The following PRICKLE2 variants were observed in gnomAD, a reference collection of about 807,000 sequenced individuals.
PRICKLE2 encodes prickle planar cell polarity protein 2, also known as prickle-like protein 2.
Under a neutral mutation model 81.4 loss-of-function variants are expected in PRICKLE2, and 21 were observed. The ratio of observed to expected loss-of-function variants is 0.26; its 90% CI spans 0.18 to 0.37. PRICKLE2 has a LOEUF of 0.37. Among genes scored for constraint, PRICKLE2 ranks in the 10% least tolerant of loss-of-function variants. The probability of loss-of-function intolerance (pLI) is 1.00; values close to 1 mark genes in which losing one functional copy is unlikely to be tolerated. For synonymous variants in PRICKLE2, 456 were observed against 421.5 expected, an observed-to-expected ratio of 1.08 and a Z score of -1.00; for missense variants, 940 against 1,109.0, an observed-to-expected ratio of 0.85 and a Z score of 2.16.
At chr3:64,221,517 G>A (rs957990511) in intron 1 of PRICKLE2, among the ~76,000 whole-genome samples, 10 of 151,920 alleles carry the variant, frequency 6.6e-5, no homozygotes, top group African/African-American at 2.2e-4. Flanking sequence ...GGTTAAGACA[G>A]AGCAAAGGGG....
chr3:64,157,759 G>A (rs2077660783), intron 4 of PRICKLE2, among the ~76,000 whole-genome samples: 3 of 152,224 alleles, frequency 2.0e-5, no homozygotes, highest in South Asian at 4.1e-4. Flanking sequence ...AGGAGTGGCT[G>A]GGGAGGGAGG....
chr3:64,240,345 T>A (rs1452627595), intron 2 of PRICKLE2, among the ~76,000 whole-genome samples: 1 of 152,166 alleles, frequency 6.6e-6, no homozygotes, highest in Non-Finnish European at 1.5e-5. Context: ...TTAAACAAGC[T>A]ACAGCTCCTC....
chr3:64,244,093 T>C (rs746622201), intron 2 of PRICKLE2, among the ~76,000 whole-genome samples: 8 of 152,186 alleles, frequency 5.3e-5, no homozygotes, highest in Admixed American at 2.0e-4. Context: ...ACAGGATGAA[T>C]AGAAATGTTA....
At chr3:64,265,315 T>A (rs1319917129) in intron 2 of PRICKLE2, among the ~76,000 whole-genome samples, 1 of 152,216 alleles carries the variant, frequency 6.6e-6, no homozygotes, top group Non-Finnish European at 1.5e-5. Flanking sequence ...ACAATTTCCA[T>A]AAAGTCTCAT....
In PRICKLE2 at chr3:64,092,634, A is replaced by G. The variant is rs1327533520; in HGVS notation, c.*6417T>C. ...ATGCTGCCCTAACCAGAACACAGAC[A>G]TGGATGTAATTCTCCAGACAGACCA... On this transcript the variant is annotated 3_prime_UTR_variant, in exon 8 of 8. Coordinates refer to ENST00000638394, the MANE Select transcript of PRICKLE2 (RefSeq NM_198859.4). The G allele has an allele frequency of 2.0e-5, 3 of 152,254 alleles. No individual in the cohort carries two copies. The highest frequency in any genetic ancestry group is 6.5e-5 in the Admixed American group (1 of 15,286). 9.4% of individuals were successfully genotyped at this position (152,254 alleles called of 1,614,324 possible).
rs1370672755 is a variant in PRICKLE2 at position 64,153,224 on chromosome 3, A to G, written c.745T>C (p.Ser249Pro). 2 of 1,614,014 alleles carry G rather than the reference A, an allele frequency of 1.2e-6. No individual in the cohort carries two copies. Among genetic ancestry groups the G allele is most frequent in the Non-Finnish European group, 1.7e-6 (2 of 1,180,028 alleles). The part of the protein sequence containing the change: ...GRPYCCHCFE[S>P]LYAEYCDTCA... ...GTGTCACAATATTCTGCATACAAGGACTCGAAGCAGTGGCAACAGTAGGGT... is the reference window on the plus strand; with the variant it reads ...GTGTCACAATATTCTGCATACAAGGGCTCGAAGCAGTGGCAACAGTAGGGT... The change falls in exon 6 of 8, where the codon TCC (serine) becomes CCC (proline). Residue 249 changes from serine (S) to proline (P), a missense_variant. Ser to Pro is a moderately conservative substitution (Grantham distance 74). Around this residue, in one of 2 missense-constraint regions of PRICKLE2, gnomAD observed 270 missense variants for 391.8 expected, o/e 0.69. Transcript: ENST00000638394.
intron 2 of PRICKLE2, among the ~76,000 whole-genome samples, chr3:64,252,782 C>T (rs2079467293): frequency 1.3e-5 from 2 of 152,212 alleles, no homozygotes; most frequent in African/African-American, 4.8e-5. Context: ...CAGGGGTCAA[C>T]AAACTTTTTC....
intron 2 of PRICKLE2, among the ~76,000 whole-genome samples, chr3:64,230,499 A>C (rs138330946): frequency 2.0e-5 from 3 of 152,352 alleles, no homozygotes; most frequent in Non-Finnish European, 2.9e-5. Flanking sequence ...TATTTGAAAC[A>C]TGTGAAGCTT....
chr3:64,211,598 G>A (rs2078787198), intron 1 of PRICKLE2, among the ~76,000 whole-genome samples: 1 of 152,152 alleles, frequency 6.6e-6, no homozygotes, highest in Admixed American at 6.5e-5. Flanking sequence ...GCACAAATGT[G>A]GCAAAATATT....
chr3:64,117,858 A>G (rs760345364), intron 7 of PRICKLE2, among the ~76,000 whole-genome samples: 1 of 152,188 alleles, frequency 6.6e-6, no homozygotes, highest in Non-Finnish European at 1.5e-5. Context: ...CTACTTGAAA[A>G]TTCATATGGA....
chr3:64,153,423 T>C, intron 5 of PRICKLE2, 55 bp from the exon 6 acceptor site: 1 of 1,572,116 alleles, frequency 6.4e-7, no homozygotes. Context: ...GAACATATTT[T>C]AAAGGAAGAA....
upstream of PRICKLE2, among the ~76,000 whole-genome samples, chr3:64,227,571 C>T (rs1426306071): frequency 6.6e-6 from 1 of 152,220 alleles, no homozygotes; most frequent in Non-Finnish European, 1.5e-5. Flanking sequence ...CTACCAACTT[C>T]ATAAGAATTA....
rs565669116 is a variant in PRICKLE2, at chr3:64,137,457, C to T, written c.1660+9373G>A. 6.6e-5 allele frequency among the ~76,000 whole-genome samples: 10 copies of T among 152,260 alleles called. No homozygotes were observed. In the East Asian group the frequency reaches 1.7e-3, roughly 26 times the overall value. On this transcript the variant is annotated intron_variant, in intron 7 of 7. Transcript: ENST00000638394. ...GAGAATAAAATCAGCAATCTTTTCT[C>T]CCTGTCAGCAGCCATGGTTACTGAC...
intron 5 of PRICKLE2, among the ~76,000 whole-genome samples, chr3:64,155,619 A>G (rs2077622626): frequency 6.6e-6 from 1 of 152,246 alleles, no homozygotes; most frequent in Non-Finnish European, 1.5e-5. Flanking sequence ...AAAAGTGGAA[A>G]CAACTTAAAT....
rs142218236 is a variant in PRICKLE2, at chr3:64,120,937, A to G, written c.1661-21012T>C. 2.7e-3 allele frequency among the ~76,000 whole-genome samples: 409 copies of G among 152,306 alleles called. 1 individual carries two copies. Among genetic ancestry groups the G allele is most frequent in the African/African-American group, 9.2e-3 (381 of 41,572 alleles). On this transcript the variant is annotated intron_variant, in intron 7 of 7. Coordinates refer to ENST00000638394, the MANE Select transcript of PRICKLE2 (RefSeq NM_198859.4). ...TATCCTGTCTCTGCCAACAAACAAC[A>G]AAGCCAGGACTGAATTCTTGGAAAG... is the stretch of plus-strand genomic sequence containing the variant.
chr3:64,157,328 A>C lies in PRICKLE2; in HGVS notation c.434T>G (p.Phe145Cys). 6.2e-7 allele frequency: 1 copy of C among 1,613,756 alleles called. No individual in the cohort carries two copies. Among genetic ancestry groups the C allele is most frequent in the Non-Finnish European group, 8.5e-7 (1 of 1,180,036 alleles). The change falls in exon 5 of 8, where the codon TTT becomes TGT. Residue 145 changes from phenylalanine to cysteine, a missense_variant. Transcript: ENST00000638394. ...GQINGGDIAV[F>C]ASRAGHGVCW... is the part of the protein sequence containing the mutation. ...AACGCCGTGGCCAGCGCGTGACGCA[A>C]ACACAGCGATGTCTCCACCATTGAT...
intron 5 of PRICKLE2, 23 bp from the exon 6 acceptor site, chr3:64,153,391 G>A: frequency 6.2e-7 from 1 of 1,612,560 alleles, no homozygotes; most frequent in African/African-American, 1.3e-5. Context: ...AAGCCAAATG[G>A]TCAGTGTGTA....
At chr3:64,266,798 A>C (rs768489307) in intron 2 of PRICKLE2, among the ~76,000 whole-genome samples, 22 of 152,174 alleles carry the variant, frequency 1.4e-4, no homozygotes, top group Non-Finnish European at 2.5e-4. Context: ...CACCACCTAA[A>C]CAACTGCAAA....
rs2077485024 is a variant in PRICKLE2, at chr3:64,147,915, C to G, written c.788-213G>C. ...AGTATGCGCCTTAACTCATTTGCTC[C>G]AAGCACAAAGACTCTAGGTTAAAAT... On this transcript the variant is annotated intron_variant, in intron 6 of 7. Coordinates refer to ENST00000638394, the MANE Select transcript of PRICKLE2 (RefSeq NM_198859.4). The surrounding 1 kb of genome is among the most constrained non-coding windows in gnomAD (Gnocchi z 5.0). Among the ~76,000 whole-genome samples, 3 of 152,140 alleles carry G rather than the reference C, an allele frequency of 2.0e-5. No homozygotes were observed.
Sources: gnomAD v4.1 joint callset for allele counts (sites outside exome capture counted in the v4.1 genomes callset) on GRCh38, gnomAD v4.1.1 for gene constraint, gnomAD v4.1.1 regional missense constraint, Gnocchi (gnomAD v3.1) non-coding constraint, MANE v1.5 for transcripts, NCBI Gene and HGNC (gene_info 2026-07-23, HGNC 2026-07-21) for gene names.